Variants in PLXNA4 observed in about 807,000 individuals in gnomAD.
The protein encoded by PLXNA4 is plexin-A4.
In PLXNA4, 44 loss-of-function variants were observed where a neutral mutation model predicts 191.8. That is an observed-to-expected ratio of 0.23 (90% CI 0.18 to 0.29). The LOEUF (loss-of-function observed/expected upper bound fraction) is 0.29. PLXNA4 is among the 10% of genes least tolerant of loss of function. PLXNA4 has a pLI of 1.00. For missense variants in PLXNA4, 1,800 were observed against 2,488.8 expected (o/e 0.72, Z 5.89); for synonymous variants, 1,082 against 1,009.5 (o/e 1.07, Z -1.36).
chr7:132,444,320 T>A (rs1044209435), intron 3 of PLXNA4, among the ~76,000 whole-genome samples: 5 of 152,246 alleles, frequency 3.3e-5, no homozygotes, highest in African/African-American at 1.2e-4. Flanking sequence ...AATGGCGCCC[T>A]CTTGGCTCAC....
chr7:132,131,634 G>C, intron 31 of PLXNA4, among the ~76,000 whole-genome samples: 1 of 152,354 alleles, frequency 6.6e-6, no homozygotes, highest in East Asian at 1.9e-4. Context: ...ATTTGTACGC[G>C]CCATCATTTC....
chr7:132,362,102 G>C (rs1803966374), intron 3 of PLXNA4, among the ~76,000 whole-genome samples: 1 of 152,106 alleles, frequency 6.6e-6, no homozygotes, highest in Non-Finnish European at 1.5e-5. Flanking sequence ...TTAATCATAG[G>C]TCCTCTCCCC....
chr7:132,220,689 T>C (rs1798113685), intron 9 of PLXNA4, among the ~76,000 whole-genome samples: 1 of 151,992 alleles, frequency 6.6e-6, no homozygotes, highest in African/African-American at 2.4e-5. Flanking sequence ...CCAGCAGTCT[T>C]TGCTTGTGTC....
intron 3 of PLXNA4, among the ~76,000 whole-genome samples, chr7:132,309,434 G>T (rs74852284): frequency 0.015 from 2,213 of 152,110 alleles, 28 homozygotes; most frequent in South Asian, 0.049. Flanking sequence ...AACCAGGACC[G>T]TCAGCTCCTC....
intron 3 of PLXNA4, among the ~76,000 whole-genome samples, chr7:132,344,734 T>A (rs1480614777): frequency 6.6e-6 from 1 of 152,224 alleles, no homozygotes; most frequent in Admixed American, 6.5e-5. Context: ...GTCCTCGAAG[T>A]GTTGTCATGT....
At chr7:132,583,912 G>A (rs894739535) in intron 2 of PLXNA4, among the ~76,000 whole-genome samples, 9 of 152,192 alleles carry the variant, frequency 5.9e-5, no homozygotes, top group African/African-American at 1.7e-4. Flanking sequence ...AGGGCCAATC[G>A]TGCCATATCT....
rs567047005 is a variant in PLXNA4, at chr7:132,518,585, G to C, written c.-86-9806C>G. Among the ~76,000 whole-genome samples the C allele has an allele frequency of 2.0e-5, 3 of 152,292 alleles. No homozygotes were observed. The South Asian group carries it at 6.2e-4, about 32-fold the overall frequency. The stretch of plus-strand genomic sequence containing the variant: ...CGATGGAGGGCCAGGCACTGATGTA[G>C]AGTCTTGGCGCCACCAGGCAACCAG... On this transcript the variant is annotated intron_variant, in intron 1 of 31. Transcript: ENST00000321063.
chr7:132,194,079 G>T lies in PLXNA4; in HGVS notation c.2839C>A (p.Gln947Lys). 2 of 1,614,002 alleles carry T rather than the reference G, an allele frequency of 1.2e-6. No homozygotes were observed. Among genetic ancestry groups the T allele is most frequent in the Non-Finnish European group, 1.7e-6 (2 of 1,179,888 alleles). ...AGACTCACCATGAAGTAATAGAGCT[G>T]TGAGGACCGGGCCATGAATTCAGGC... ...CRPEFMARSS[Q>K]LYYFMTLTLS... Residue 947 changes from glutamine to lysine, a missense_variant, in exon 14 of 32, where the codon CAG becomes AAG. Gln to Lys is a moderately conservative substitution (Grantham distance 53). Around this residue, in one of 6 missense-constraint regions of PLXNA4, gnomAD observed 1,397 missense variants for 1,880.4 expected, o/e 0.74. Coordinates refer to ENST00000321063, the MANE Select transcript of PLXNA4 (RefSeq NM_020911.2).
At chr7:132,459,935 C>A (rs1563111681) in intron 3 of PLXNA4, among the ~76,000 whole-genome samples, 1 of 144,466 alleles carries the variant, frequency 6.9e-6, no homozygotes, top group Admixed American at 6.9e-5. Context: ...CCCGCCCCTT[C>A]TCTTCCCCAT....
intron 3 of PLXNA4, among the ~76,000 whole-genome samples, chr7:132,446,970 C>T (rs2288987): frequency 0.036 from 5,416 of 152,224 alleles, 314 homozygotes; most frequent in East Asian, 0.28. Context: ...ATCCATAATG[C>T]GCATTTTCAT....
chr7:132,248,515 G>A (rs1799135864), intron 4 of PLXNA4, among the ~76,000 whole-genome samples: 1 of 152,216 alleles, frequency 6.6e-6, no homozygotes, highest in Non-Finnish European at 1.5e-5. Flanking sequence ...TCAAATGGAG[G>A]AGGGGGAAGG....
intron 1 of PLXNA4, among the ~76,000 whole-genome samples, chr7:132,509,013 C>CGTG (rs1328931463): frequency 2.2e-4 from 1 of 4,640 alleles, no homozygotes; most frequent in African/African-American, 2.4e-4. Flanking sequence ...ATGATAATGA[C>CGTG]ATGATAATAG....
At chr7:132,506,443 C>T (rs1798467142) in intron 2 of PLXNA4, among the ~76,000 whole-genome samples, 1 of 152,158 alleles carries the variant, frequency 6.6e-6, no homozygotes, top group South Asian at 2.1e-4. Flanking sequence ...TCTTCTTCTC[C>T]CCAAATTAAA....
intron 3 of PLXNA4, among the ~76,000 whole-genome samples, chr7:132,424,893 C>T (rs938162861): frequency 6.6e-6 from 1 of 152,170 alleles, no homozygotes; most frequent in African/African-American, 2.4e-5. Flanking sequence ...CATGGTGTGC[C>T]CTCCACGCAT....
intron 2 of PLXNA4, among the ~76,000 whole-genome samples, chr7:132,613,613 C>G (rs12707047): frequency 0.7 from 107,114 of 152,020 alleles, 40,708 homozygotes; most frequent in South Asian, 0.9. Context: ...GAGTGGGCGA[C>G]GGGGTGATGG....
chr7:132,507,759 G>A lies in PLXNA4; in HGVS notation c.935C>T (p.Ala312Val), dbSNP rs148555400. The A allele has an allele frequency of 1.2e-6, 2 of 1,614,146 alleles. No homozygotes were observed. The highest frequency in any genetic ancestry group is 1.3e-5 in the African/African-American group (1 of 75,058). Residue 312 changes from alanine (A) to valine (V), a missense_variant, in exon 2 of 32, where the codon GCT (alanine) becomes GTT (valine). By Grantham distance (64) the Ala-to-Val change is moderately conservative. This residue lies in a region of PLXNA4 where 1,397 missense variants were observed against 1,880.4 expected (regional missense o/e 0.74). Transcript: ENST00000321063. ...GGCCCCCGCTTTGGACAGGTAGGCA[G>A]CCTGCAGCAGGCGGTACTCCACCCC... is the stretch of plus-strand genomic sequence containing the variant. ...RSGVEYRLLQ[A>V]AYLSKAGAVL...
At chr7:132,398,631 C>A (rs76498803) in intron 3 of PLXNA4, among the ~76,000 whole-genome samples, 27,659 of 152,220 alleles carry the variant, frequency 0.18, 2,869 homozygotes, top group East Asian at 0.36. Flanking sequence ...AATTATAAAT[C>A]AATCTAGCAG....
At chr7:132,516,428 C>T (rs879196413) in intron 1 of PLXNA4, among the ~76,000 whole-genome samples, 1 of 152,126 alleles carries the variant, frequency 6.6e-6, no homozygotes, top group Admixed American at 6.5e-5. Flanking sequence ...TTGAGAACCA[C>T]CATCCTATGC....
chr7:132,524,392 A>G (rs531549800), intron 1 of PLXNA4, among the ~76,000 whole-genome samples: 5 of 152,210 alleles, frequency 3.3e-5, no homozygotes, highest in East Asian at 1.9e-4. Context: ...AGTTAATAAC[A>G]TTAAAGGATT....
Sources: allele counts gnomAD v4.1 joint callset (sites outside exome capture counted in the v4.1 genomes callset), GRCh38; gene constraint gnomAD v4.1.1; regional missense constraint gnomAD v4.1.1; transcripts MANE v1.5; gene names NCBI Gene and HGNC (gene_info 2026-07-23, HGNC 2026-07-21).